The following FNIP1 variants were observed in gnomAD, a reference collection of about 807,000 sequenced individuals.
FNIP1 encodes the protein folliculin interacting protein 1.
In FNIP1, 40 loss-of-function variants were observed where a neutral mutation model predicts 124.5. The observed-to-expected ratio is 0.32, with a 90% CI of 0.25 to 0.42. FNIP1 has a LOEUF of 0.42. Ranked by LOEUF, FNIP1 falls within the 10% of genes least tolerant of loss-of-function variation. The pLI, the probability that FNIP1 is intolerant of heterozygous loss-of-function variation, is 1.00. For missense variants in FNIP1, 1,176 were observed against 1,403.7 expected, an observed-to-expected ratio of 0.84 and a Z score of 2.59; for synonymous variants, 472 against 470.6, an observed-to-expected ratio of 1.00 and a Z score of -0.04.
chr5:131,697,542 T>C (rs1195852741), intron 11 of FNIP1, among the ~76,000 whole-genome samples: 1 of 152,210 alleles, frequency 6.6e-6, no homozygotes, highest in African/African-American at 2.4e-5. Flanking sequence ...AATAGATTTA[T>C]TTAGGTATAA....
intron 3 of FNIP1, 24 bp downstream of exon 3, chr5:131,730,880 A>C: frequency 6.4e-7 from 1 of 1,564,434 alleles, no homozygotes; most frequent in Non-Finnish European, 8.7e-7. Context: ...TGAATGAATA[A>C]ATAAATGACA....
At chr5:131,649,615 T>G (rs1265572641) in intron 16 of FNIP1, among the ~76,000 whole-genome samples, 1 of 152,214 alleles carries the variant, frequency 6.6e-6, no homozygotes, top group Non-Finnish European at 1.5e-5. Context: ...CTTTTCACTC[T>G]GTTGATAGCT....
chr5:131,703,678 A>G (rs1768978892), intron 10 of FNIP1, among the ~76,000 whole-genome samples: 1 of 152,186 alleles, frequency 6.6e-6, no homozygotes, highest in Admixed American at 6.5e-5. Context: ...AAAAATTAGT[A>G]ATCCTTCCTT....
chr5:131,665,583 T>G (rs1485808626), intron 15 of FNIP1, among the ~76,000 whole-genome samples: 3 of 150,138 alleles, frequency 2.0e-5, no homozygotes, highest in Non-Finnish European at 4.4e-5. Flanking sequence ...AATATATATA[T>G]ATATAGATAG....
chr5:131,728,002 G>A (rs1288605615), intron 3 of FNIP1, among the ~76,000 whole-genome samples: 1 of 152,082 alleles, frequency 6.6e-6, no homozygotes, highest in Non-Finnish European at 1.5e-5. Flanking sequence ...TTGAATATTG[G>A]TCCCCCACTC....
chr5:131,771,812 C>T (rs982358047), intron 1 of FNIP1, among the ~76,000 whole-genome samples: 2 of 152,110 alleles, frequency 1.3e-5, no homozygotes, highest in Admixed American at 1.3e-4. Context: ...GTCACATTTA[C>T]CTTCCCTTCT....
At chr5:131,652,720 G>A (rs1767077238) in intron 15 of FNIP1, among the ~76,000 whole-genome samples, 1 of 152,206 alleles carries the variant, frequency 6.6e-6, no homozygotes, top group Non-Finnish European at 1.5e-5. Flanking sequence ...CCAGCACACT[G>A]GGAGGCTGAG....
In FNIP1 at chr5:131,710,666, A is replaced by G. The variant is rs779820012; in HGVS notation, c.623-5T>C. ...GGCTGCAGAACTGTGAAAGACCTAC[A>G]TGGCAAAAACGTAAAATACACATGA... On this transcript the variant is annotated splice_polypyrimidine_tract_variant and splice_region_variant and intron_variant, in intron 6 of 17. Transcript: ENST00000510461. 8.7e-6 allele frequency: 14 copies of G among 1,613,136 alleles called. 1 individual carries two copies. The highest frequency in any genetic ancestry group is 3.3e-5 in the Admixed American group (2 of 59,762).
chr5:131,785,079 C>G (rs867616947), intron 1 of FNIP1, among the ~76,000 whole-genome samples: 2 of 12,406 alleles, frequency 1.6e-4, no homozygotes, highest in Non-Finnish European at 6.1e-4. Flanking sequence ...ATATATATGA[C>G]ATATATATAT....
intron 11 of FNIP1, among the ~76,000 whole-genome samples, chr5:131,681,691 A>G (rs1768087459): frequency 6.6e-6 from 1 of 151,954 alleles, no homozygotes; most frequent in African/African-American, 2.4e-5. Flanking sequence ...ATAGAAAAAC[A>G]AAACATTCAC....
At chr5:131,779,398 G>A (rs2149583008) in intron 1 of FNIP1, among the ~76,000 whole-genome samples, 1 of 152,136 alleles carries the variant, frequency 6.6e-6, no homozygotes, top group East Asian at 1.9e-4. Context: ...GATAAGATGT[G>A]GCCGGGCATG....
chr5:131,747,966 A>G (rs1770738140), intron 1 of FNIP1, among the ~76,000 whole-genome samples: 1 of 152,068 alleles, frequency 6.6e-6, no homozygotes, highest in African/African-American at 2.4e-5. Context: ...TCACACTAGG[A>G]TGGAAAGAAA....
Position 131,796,938 on chromosome 5 carries a change from C to T in FNIP1, c.-17G>A. 1 of 1,587,934 alleles carries T rather than the reference C, an allele frequency of 6.3e-7. No homozygotes were observed. The highest frequency in any genetic ancestry group is 8.6e-7 in the Non-Finnish European group (1 of 1,167,542). On this transcript the variant is annotated 5_prime_UTR_variant, in exon 1 of 18. Coordinates refer to ENST00000510461, the MANE Select transcript of FNIP1 (RefSeq NM_133372.3). ...AGGGGCCATGCTAGCCACGGCCAGG[C>T]AGGGGTCGCTCCGCTGGGCGCTTGC...
chr5:131,795,283 A>G (rs913938933), intron 1 of FNIP1, among the ~76,000 whole-genome samples: 1 of 152,220 alleles, frequency 6.6e-6, no homozygotes, highest in Non-Finnish European at 1.5e-5. Flanking sequence ...GAAACATCAA[A>G]TAAGATAACT....
chr5:131,753,427 A>G (rs1320330872), intron 1 of FNIP1, among the ~76,000 whole-genome samples: 1 of 152,258 alleles, frequency 6.6e-6, no homozygotes, highest in African/African-American at 2.4e-5. Flanking sequence ...AATACCAAGG[A>G]ATGAATTACT....
intron 3 of FNIP1, among the ~76,000 whole-genome samples, chr5:131,729,472 T>C (rs538992515): frequency 6.6e-6 from 1 of 152,332 alleles, no homozygotes; most frequent in African/African-American, 2.4e-5. Context: ...CCCAGCAGCT[T>C]TGTTTACACT....
At chr5:131,709,746 C>T (rs1409335191) in intron 7 of FNIP1, among the ~76,000 whole-genome samples, 2 of 152,004 alleles carry the variant, frequency 1.3e-5, no homozygotes, top group East Asian at 1.9e-4. Flanking sequence ...AACAAAAAAG[C>T]AGGTATTTCT....
intron 10 of FNIP1, among the ~76,000 whole-genome samples, chr5:131,703,748 A>G (rs951186478): frequency 5.3e-5 from 8 of 152,182 alleles, no homozygotes; most frequent in African/African-American, 1.9e-4. Flanking sequence ...TATTACATAC[A>G]TCTATATTCA....
At position 131,671,700 on chromosome 5, in the gene FNIP1, TG is replaced by T; in HGVS notation, c.2743del (p.His915MetfsTer13). 6.2e-7 allele frequency: 1 copy of T among 1,614,142 alleles called. No homozygotes were observed. The highest frequency in any genetic ancestry group is 8.5e-7 in the Non-Finnish European group (1 of 1,180,014). On this transcript the variant is annotated frameshift_variant, in exon 14 of 18. Transcript: ENST00000510461. LOFTEE classifies it high-confidence loss of function. ...TTTATCTGAACTCTCTTTATCCCCA[TG>T]GGGGACAAGAATGGAGAGTGTATCT... ...QRDTLSILVP[H>X]GDKESSDKKI...
Sources: gnomAD v4.1 joint callset for allele counts (sites outside exome capture counted in the v4.1 genomes callset) on GRCh38, gnomAD v4.1.1 for gene constraint, MANE v1.5 for transcripts, NCBI Gene and HGNC (gene_info 2026-07-23, HGNC 2026-07-21) for gene names.